The following LRCH3 variants were observed in gnomAD, a reference collection of about 807,000 sequenced individuals.
The protein encoded by LRCH3 is leucine rich repeats and calponin homology domain containing 3.
In LRCH3, 68 loss-of-function variants were observed where a neutral mutation model predicts 104.5. The ratio of observed to expected loss-of-function variants is 0.65; its 90% CI spans 0.54 to 0.80. LRCH3 has a LOEUF of 0.80. Ranked by LOEUF, LRCH3 falls within the 30% of genes least tolerant of loss-of-function variation. LRCH3 has a pLI of 0.00. For synonymous variants in LRCH3, 344 were observed against 361.3 expected (o/e 0.95, Z 0.54); for missense variants, 951 against 953.9 (o/e 1.00, Z 0.04).
chr3:197,870,606 T>C (rs1036623309), intron 18 of LRCH3, among the ~76,000 whole-genome samples: 3 of 152,192 alleles, frequency 2.0e-5, no homozygotes, highest in African/African-American at 4.8e-5. Flanking sequence ...CCTCAGGTGA[T>C]CCACTGGCCT....
At position 197,817,178 on chromosome 3, in the gene LRCH3, G is replaced by A. The variant is rs751135158; in HGVS notation, c.410G>A (p.Arg137Gln). The A allele has an allele frequency of 4.4e-6, 7 of 1,588,160 alleles. No individual in the cohort carries two copies. Among genetic ancestry groups the A allele is most frequent in the African/African-American group, 1.4e-5 (1 of 73,210 alleles). The change falls in exon 3 of 21, where the codon CGG (arginine) becomes CAG (glutamine). Residue 137 changes from arginine to glutamine, a missense_variant and splice_region_variant. By Grantham distance (43) the Arg-to-Gln change is conservative (BLOSUM62 1). Coordinates refer to ENST00000425562, the MANE Select transcript of LRCH3 (RefSeq NM_001365715.1). ...TCTCTTTCTACTTACCCATTTAGTC[G>A]GAACCAACTGTCAACATTGCCGGTA... ...LQALTFLNISRNQLSTLPVHL... is the reference protein window; with the variant it reads ...LQALTFLNISQNQLSTLPVHL...
In LRCH3 at chr3:197,854,444, T is replaced by A; in HGVS notation, c.1643T>A (p.Met548Lys). ...SQHTDDSALC[M>K]SLSGLNQVGC... ...CACACTGATGATAGTGCCTTGTGCA[T>A]GGTAAGAGTTTTGCACAAAACGGAG... Residue 548 changes from methionine (M) to lysine (K), a missense_variant and splice_region_variant, in exon 14 of 21, where the codon ATG becomes AAG. By Grantham distance (95) the Met-to-Lys change is moderately conservative. Coordinates refer to ENST00000425562, the MANE Select transcript of LRCH3 (RefSeq NM_001365715.1). This position sits in a 1 kb window ranked among gnomAD's most constrained non-coding sequence, Gnocchi z 4.5. 1 of 1,613,930 alleles carries A rather than the reference T, an allele frequency of 6.2e-7. No homozygotes were observed. The highest frequency in any genetic ancestry group is 8.5e-7 in the Non-Finnish European group (1 of 1,179,752).
At chr3:197,838,195 A>AG (rs1239166736) in intron 9 of LRCH3, among the ~76,000 whole-genome samples, 1 of 152,224 alleles carries the variant, frequency 6.6e-6, no homozygotes, top group Non-Finnish European at 1.5e-5. Context: ...TGAAGTAGGA[A>AG]GACTGCTTGA....
rs556682016 is a variant in LRCH3, at chr3:197,866,270, G to A, written c.1873+51G>A. The A allele has an allele frequency of 1.8e-5, 23 of 1,265,594 alleles. No individual in the cohort carries two copies. The East Asian group carries it at 2.1e-4, about 11-fold the overall frequency. The allele number at this position is 1,265,594 out of a possible 1,614,324, so 78.4% of individuals were successfully genotyped here. A position where few individuals can be genotyped will look rare whatever the true frequency, so the allele number is the denominator to read the frequency against. On this transcript the variant is annotated intron_variant, in intron 17 of 20. Coordinates refer to ENST00000425562, the MANE Select transcript of LRCH3 (RefSeq NM_001365715.1). ...AGGAGCGAGGGGAGGTTTACACAAC[G>A]ACGCTAGCTGTTAGATGGATGCTTT...
In LRCH3 at chr3:197,791,272, C is replaced by G; in HGVS notation, c.-7C>G. 1 of 1,608,548 alleles carries G rather than the reference C, an allele frequency of 6.2e-7. No homozygotes were observed. Among genetic ancestry groups the G allele is most frequent in the African/African-American group, 1.3e-5 (1 of 74,636 alleles). On this transcript the variant is annotated 5_prime_UTR_variant, in exon 1 of 21. Transcript: ENST00000425562. Reference sequence around the variant, plus strand: ...AGCTGGCGGGCCCGAGTGTTGTCGGCTGGGAAATGGCGGCCGCGGGCTTGG... The same window carrying G: ...AGCTGGCGGGCCCGAGTGTTGTCGGGTGGGAAATGGCGGCCGCGGGCTTGG...
Position 197,791,553 on chromosome 3 carries a change from G to C in LRCH3, c.262+13G>C, listed in dbSNP as rs1159986837. ...ACCACCCGGGCGGGTGAGCGGGGCG[G>C]GGGGCGTCTCTGCCCGTCGGAGACC... is the stretch of plus-strand genomic sequence containing the variant. On this transcript the variant is annotated intron_variant, in intron 1 of 20. Transcript: ENST00000425562. 3.2e-6 allele frequency: 5 copies of C among 1,545,304 alleles called. No individual in the cohort carries two copies. The Admixed American group carries it at 1.0e-4, about 32-fold the overall frequency.
chr3:197,831,284 GTCGTTTTTC>G (rs1279453014), intron 7 of LRCH3: 1 of 153,462 alleles, frequency 6.5e-6, no homozygotes, highest in African/African-American at 2.4e-5. Flanking sequence ...GGCTAATTCT[GTCGTTTTTC>G]TCGTTTTTAA....
Position 197,880,505 on chromosome 3 carries a change from T to C in LRCH3, c.2209-3036T>C, listed in dbSNP as rs1580926411. Reference sequence around the variant, plus strand: ...CTGTTTTCCTTTCCTGCTTACACTTTGGACAGGACAATCTTTGTTCCCCTT... The same window carrying C: ...CTGTTTTCCTTTCCTGCTTACACTTCGGACAGGACAATCTTTGTTCCCCTT... On this transcript the variant is annotated intron_variant, in intron 20 of 20. Coordinates refer to ENST00000425562, the MANE Select transcript of LRCH3 (RefSeq NM_001365715.1). 5 of 1,533,740 alleles carry C rather than the reference T, an allele frequency of 3.3e-6. No individual in the cohort carries two copies. In the East Asian group the frequency reaches 1.2e-4, roughly 37 times the overall value.
intron 10 of LRCH3, among the ~76,000 whole-genome samples, chr3:197,839,905 G>T (rs574374671): frequency 6.6e-6 from 1 of 151,494 alleles, no homozygotes; most frequent in African/African-American, 2.4e-5. Context: ...CTGGGAGGGT[G>T]AGACTGCAGT....
At chr3:197,872,738 C>T (rs1291321762) in intron 19 of LRCH3, among the ~76,000 whole-genome samples, 1 of 152,112 alleles carries the variant, frequency 6.6e-6, no homozygotes, top group Non-Finnish European at 1.5e-5. Context: ...ATCTGTAATC[C>T]CAGCTACTTG....
At chr3:197,848,100 T>C (rs1739024113) in intron 12 of LRCH3, 79 bp downstream of exon 12, 1 of 1,466,470 alleles carries the variant, frequency 6.8e-7, no homozygotes, top group Non-Finnish European at 9.3e-7. Context: ...TTGGTTTTTA[T>C]TGTCCATTAA....
intron 10 of LRCH3, among the ~76,000 whole-genome samples, chr3:197,842,650 A>C (rs775857902): frequency 6.6e-6 from 1 of 152,164 alleles, no homozygotes; most frequent in Non-Finnish European, 1.5e-5. Flanking sequence ...ACCCACATAG[A>C]GTCTACCCTA....
chr3:197,820,189 CT>C, intron 3 of LRCH3, 135 bp from the exon 4 acceptor site: 1 of 656,560 alleles, frequency 1.5e-6, no homozygotes. Context: ...TAGGTAGTCT[CT>C]TTTCAGAACC....
At chr3:197,880,186 C>T (rs1266459953) in intron 20 of LRCH3, among the ~76,000 whole-genome samples, 1 of 151,904 alleles carries the variant, frequency 6.6e-6, no homozygotes, top group Non-Finnish European at 1.5e-5. Flanking sequence ...ACCTCGTGAT[C>T]CACCCGCCTC....
At chr3:197,880,718 G>T (rs1470875664) in intron 20 of LRCH3, 38 of 1,536,606 alleles carry the variant, frequency 2.5e-5, no homozygotes, top group Non-Finnish European at 2.9e-5. Context: ...CTCGCTGAAA[G>T]ATTGCACTCC....
At chr3:197,821,012 T>C (rs1169678394) in intron 4 of LRCH3, among the ~76,000 whole-genome samples, 1 of 152,168 alleles carries the variant, frequency 6.6e-6, no homozygotes, top group African/African-American at 2.4e-5. Flanking sequence ...TTTTTAGATC[T>C]TGTCAACCGA....
At chr3:197,876,635 G>A (rs1002158752) in intron 20 of LRCH3, among the ~76,000 whole-genome samples, 2 of 152,128 alleles carry the variant, frequency 1.3e-5, no homozygotes, top group Non-Finnish European at 1.5e-5. Flanking sequence ...CATTAACCAC[G>A]ACCATTACAA....
chr3:197,813,164 T>C (rs1051350650), intron 1 of LRCH3, among the ~76,000 whole-genome samples: 3 of 152,242 alleles, frequency 2.0e-5, no homozygotes, highest in African/African-American at 7.2e-5. Context: ...AGCCATACAA[T>C]GTGTAATAAT....
At chr3:197,845,095 T>C (rs756567706) in intron 10 of LRCH3, among the ~76,000 whole-genome samples, 3 of 152,112 alleles carry the variant, frequency 2.0e-5, no homozygotes, top group Non-Finnish European at 4.4e-5. Flanking sequence ...AACAATGGGT[T>C]TGACTGGCTT....
Sources: gnomAD v4.1 joint callset for allele counts (sites outside exome capture counted in the v4.1 genomes callset) on GRCh38, gnomAD v4.1.1 for gene constraint, Gnocchi (gnomAD v3.1) non-coding constraint, MANE v1.5 for transcripts, NCBI Gene and HGNC (gene_info 2026-07-23, HGNC 2026-07-21) for gene names.